FKBP5: variants seen among roughly 807,000 people sequenced by gnomAD.
FKBP5 encodes the protein FKBP prolyl isomerase 5, also known as peptidyl-prolyl cis-trans isomerase FKBP5.
Under a neutral mutation model 50.5 loss-of-function variants are expected in FKBP5, and 23 were observed. The ratio of observed to expected loss-of-function variants is 0.46; its 90% CI spans 0.33 to 0.65. The LOEUF (loss-of-function observed/expected upper bound fraction) is 0.65, where lower values mean the gene tolerates loss of function less well. FKBP5 is among the 30% of genes least tolerant of loss of function. The pLI is 0.02. For synonymous variants in FKBP5, 176 were observed against 190.6 expected (o/e 0.92, Z 0.63); for missense variants, 411 against 553.1 (o/e 0.74, Z 2.58).
At chr6:35,611,262 T>C (rs1347396148) in intron 5 of FKBP5, among the ~76,000 whole-genome samples, 2 of 152,238 alleles carry the variant, frequency 1.3e-5, no homozygotes, top group Non-Finnish European at 2.9e-5. Flanking sequence ...TGAAAATCTT[T>C]GTTCCCTCCA....
At chr6:35,685,477 A>G (rs963189440) in intron 1 of FKBP5, among the ~76,000 whole-genome samples, 33 of 151,644 alleles carry the variant, frequency 2.2e-4, no homozygotes, top group African/African-American at 7.8e-4. Flanking sequence ...TAAAATACTT[A>G]AAAAACAAAA....
intron 5 of FKBP5, among the ~76,000 whole-genome samples, chr6:35,617,840 G>A (rs899182719): frequency 2.0e-4 from 31 of 152,176 alleles, no homozygotes; most frequent in Non-Finnish European, 4.4e-4. Context: ...TTTGCTCCGG[G>A]AGGGAAGAAG....
In FKBP5 at chr6:35,587,136, C is replaced by T. The variant is rs756970342; in HGVS notation, c.757-19G>A. On this transcript the variant is annotated intron_variant, in intron 7 of 10. Coordinates refer to ENST00000357266, the MANE Select transcript of FKBP5 (RefSeq NM_004117.4). ...CTTTGGCCTGTGTGTAAATTTGTGA[C>T]AATGGTTAGATGAACAGAGAGAAAA... 16 of 1,611,446 alleles carry T rather than the reference C, an allele frequency of 9.9e-6. No individual in the cohort carries two copies. The highest frequency in any genetic ancestry group is 1.4e-5 in the Non-Finnish European group (16 of 1,177,824).
intron 1 of FKBP5, chr6:35,728,496 C>T (rs1386867732): frequency 6.6e-6 from 1 of 152,368 alleles, no homozygotes; most frequent in Non-Finnish European, 1.5e-5. Context: ...TCCTGTTTTC[C>T]CCAAATCTCA....
chr6:35,637,993 T>C (rs1012838603), intron 2 of FKBP5, among the ~76,000 whole-genome samples: 7 of 152,194 alleles, frequency 4.6e-5, no homozygotes, highest in African/African-American at 1.4e-4. Flanking sequence ...ATTTGAAACA[T>C]AGTCTATCTG....
chr6:35,696,967 T>G (rs1005892716), intron 2 of FKBP5, among the ~76,000 whole-genome samples: 1 of 152,194 alleles, frequency 6.6e-6, no homozygotes, highest in Non-Finnish European at 1.5e-5. Flanking sequence ...AAACTGGAAT[T>G]TTCATGCATT....
intron 3 of FKBP5, among the ~76,000 whole-genome samples, chr6:35,625,303 T>C (rs1041778428): frequency 1.3e-5 from 2 of 152,090 alleles, no homozygotes; most frequent in Non-Finnish European, 2.9e-5. Flanking sequence ...CAGGCTGGTC[T>C]CAAACTCCTG....
intron 3 of FKBP5, among the ~76,000 whole-genome samples, chr6:35,636,663 G>A (rs1253432606): frequency 6.6e-6 from 1 of 152,190 alleles, no homozygotes; most frequent in African/African-American, 2.4e-5. Flanking sequence ...TGTAAATAGT[G>A]AAGGAGTGGC....
intron 2 of FKBP5, among the ~76,000 whole-genome samples, chr6:35,713,607 T>C (rs1766455481): frequency 6.6e-6 from 1 of 152,254 alleles, no homozygotes; most frequent in African/African-American, 2.4e-5. Context: ...AGGCTGAAGC[T>C]GCTAGCTGGC....
At chr6:35,669,978 T>C (rs553418264) in intron 1 of FKBP5, among the ~76,000 whole-genome samples, 74 of 152,324 alleles carry the variant, frequency 4.9e-4, no homozygotes, top group African/African-American at 1.8e-3. Flanking sequence ...CATTCCCCCA[T>C]TCTGCTCATT....
chr6:35,643,996 T>C (rs1481924773), intron 1 of FKBP5, among the ~76,000 whole-genome samples: 1 of 152,236 alleles, frequency 6.6e-6, no homozygotes, highest in African/African-American at 2.4e-5. Flanking sequence ...AGCTGTTTGA[T>C]GTTGGCTACC....
At chr6:35,671,890 A>T (rs766620372) in intron 1 of FKBP5, among the ~76,000 whole-genome samples, 10 of 151,200 alleles carry the variant, frequency 6.6e-5, no homozygotes, top group Admixed American at 1.3e-4. Flanking sequence ...TTTTTTTGAG[A>T]CGGAGTCTCA....
chr6:35,688,388 G>T (rs930614248), intron 1 of FKBP5, among the ~76,000 whole-genome samples: 1 of 152,074 alleles, frequency 6.6e-6, no homozygotes, highest in African/African-American at 2.4e-5. Context: ...CCGCCTGTCC[G>T]GGGAGAGCCG....
chr6:35,575,064 C>G lies in FKBP5; in HGVS notation c.*771G>C, dbSNP rs1762171308. ...CTTTTCACATTTCAGTATCTCAGAA[C>G]TTCATCGAAAATAGGAAAAGCTAAT... is the stretch of plus-strand genomic sequence containing the variant. On this transcript the variant is annotated 3_prime_UTR_variant, in exon 11 of 11. Coordinates refer to ENST00000357266, the MANE Select transcript of FKBP5 (RefSeq NM_004117.4). The G allele has an allele frequency of 6.6e-6, 1 of 152,196 alleles. No homozygotes were observed. Among genetic ancestry groups the G allele is most frequent in the African/African-American group, 2.4e-5 (1 of 41,450 alleles). The allele number at this position is 152,196 out of a possible 1,614,324, so 9.4% of individuals were successfully genotyped here. A position where few individuals can be genotyped will look rare whatever the true frequency, so the allele number is the denominator to read the frequency against.
intron 1 of FKBP5, among the ~76,000 whole-genome samples, chr6:35,674,559 A>T (rs1185066583): frequency 6.6e-6 from 1 of 152,232 alleles, no homozygotes; most frequent in Non-Finnish European, 1.5e-5. Flanking sequence ...ATTATCACTC[A>T]ATGTTCTATC....
intron 1 of FKBP5, among the ~76,000 whole-genome samples, chr6:35,669,021 T>C (rs1474876007): frequency 6.6e-6 from 1 of 152,170 alleles, no homozygotes; most frequent in Non-Finnish European, 1.5e-5. Context: ...AGAAAACACT[T>C]GAGATGCAAT....
In FKBP5 at chr6:35,574,409, C is replaced by CATG. The variant is rs1762152129; in HGVS notation, c.*1423_*1425dup. Reference sequence around the variant, plus strand: ...TTCCTTGGGTTGCCAAATGCATTCCCATGAGTGTTTCTTAGGCTGAGGGAA... The same window carrying CATG: ...TTCCTTGGGTTGCCAAATGCATTCCCATGATGAGTGTTTCTTAGGCTGAGGGAA... On this transcript the variant is annotated 3_prime_UTR_variant, in exon 11 of 11. Coordinates refer to ENST00000357266, the MANE Select transcript of FKBP5 (RefSeq NM_004117.4). 6.6e-6 allele frequency: 1 copy of CATG among 152,210 alleles called. No individual in the cohort carries two copies. The highest frequency in any genetic ancestry group is 1.5e-5 in the Non-Finnish European group (1 of 68,034). 9.4% of individuals were successfully genotyped at this position (152,210 alleles called of 1,614,324 possible). A position where few individuals can be genotyped will look rare whatever the true frequency, so the allele number is the denominator to read the frequency against.
intron 1 of FKBP5, among the ~76,000 whole-genome samples, chr6:35,667,801 T>C (rs946209405): frequency 6.6e-6 from 1 of 151,806 alleles, no homozygotes; most frequent in Non-Finnish European, 1.5e-5. Context: ...GAATTCTCTA[T>C]TAAAGATACA....
At chr6:35,580,414 C>T (rs1441697677) in intron 8 of FKBP5, 193 bp from the exon 9 acceptor site, 8 of 555,614 alleles carry the variant, frequency 1.4e-5, no homozygotes, top group East Asian at 2.9e-5. Context: ...TGGTTTGGGG[C>T]AGTGCCTGAG....
Sources: allele counts gnomAD v4.1 joint callset (sites outside exome capture counted in the v4.1 genomes callset), GRCh38; gene constraint gnomAD v4.1.1; transcripts MANE v1.5; gene names NCBI Gene and HGNC (gene_info 2026-07-23, HGNC 2026-07-21).